The following PIDD1 variants were observed in gnomAD, a reference collection of about 807,000 sequenced individuals.
The protein encoded by PIDD1 is p53-induced death domain-containing protein 1.
PIDD1 carries 72 observed loss-of-function variants against 80.0 expected under a neutral mutation model. The observed-to-expected ratio is 0.90, with a 90% CI of 0.74 to 1.09. PIDD1 has a LOEUF of 1.09. PIDD1 is among the 50% of genes least tolerant of loss of function. The pLI, the probability that PIDD1 is intolerant of heterozygous loss-of-function variation, is 0.00. For missense variants in PIDD1, 1,329 were observed against 1,228.3 expected (o/e 1.08, Z -1.23); for synonymous variants, 655 against 543.5 (o/e 1.21, Z -2.85).
At chr11:801,165 C>T in intron 9 of PIDD1, 45 bp from the exon 10 acceptor site, 2 of 1,544,786 alleles carry the variant, frequency 1.3e-6, no homozygotes, top group Non-Finnish European at 1.7e-6. Context: ...TGGCCGGAGA[C>T]CCCCTCCACC....
upstream of PIDD1, among the ~76,000 whole-genome samples, chr11:807,238 TC>T (rs1389608064): frequency 6.8e-6 from 1 of 147,730 alleles, no homozygotes; most frequent in East Asian, 2.0e-4. Flanking sequence ...CATCTGTAAT[TC>T]CAGCACTTTG....
chr11:805,388 C>G (rs1185546226), upstream of PIDD1: 4 of 340,340 alleles, frequency 1.2e-5, no homozygotes, highest in East Asian at 1.7e-4. Flanking sequence ...GTCGCAGCCC[C>G]GGAGACGCGG....
rs149917031 is a variant in PIDD1, at chr11:804,356, C to T, written c.33G>A (p.Glu11=). MAATVEGPEL[E]AAAAAGDASE... ...AAGCATCTCCTGCGGCAGCAGCTGC[C>T]TCCAGCTCTGGCCCCTCCACCGTTG... is the stretch of plus-strand genomic sequence containing the variant. The change falls in exon 2 of 16, where the codon GAG becomes GAA. Residue 11 remains glutamate, a synonymous_variant. Coordinates refer to ENST00000347755, the MANE Select transcript of PIDD1 (RefSeq NM_145886.4). 9.6e-4 allele frequency: 1,547 copies of T among 1,607,112 alleles called. 4 individuals carry two copies. The highest frequency in any genetic ancestry group is 1.1e-3 in the Non-Finnish European group (1,303 of 1,176,314).
chr11:805,784 G>C, upstream of PIDD1: 2 of 645,288 alleles, frequency 3.1e-6, no homozygotes, highest in Non-Finnish European at 3.8e-6. Flanking sequence ...CTTCAATCGC[G>C]CAGGGGAGAA....
Position 803,581 on chromosome 11 carries a change from T to C in PIDD1, c.302A>G (p.Gln101Arg). Residue 101 changes from glutamine to arginine, a missense_variant, in exon 3 of 16, where the codon CAA becomes CGA. Physicochemically the swap from Gln to Arg is conservative, Grantham distance 43 (BLOSUM62 1). Transcript: ENST00000347755. ...ACAGGCACCCAGTGTGTCCCGGCGT[T>C]GCCCTCCTGGGAAGGGGGGAGGCGG... ...CLRSLVLKGG[Q>R]RRDTLGACLR... 6.2e-7 allele frequency: 1 copy of C among 1,606,616 alleles called. No homozygotes were observed. Among genetic ancestry groups the C allele is most frequent in the Non-Finnish European group, 8.5e-7 (1 of 1,176,186 alleles).
At chr11:803,935 T>C in intron 2 of PIDD1, 159 bp downstream of exon 2, 5 of 822,102 alleles carry the variant, frequency 6.1e-6, no homozygotes, top group Non-Finnish European at 9.4e-6. Flanking sequence ...AGGATGGCGA[T>C]GGGGCTGGAC....
In PIDD1 at chr11:799,865, C is replaced by T; in HGVS notation, c.2424G>A (p.Leu808=). Residue 808 remains leucine, a synonymous_variant, in exon 15 of 16, where the codon CTG becomes CTA. Coordinates refer to ENST00000347755, the MANE Select transcript of PIDD1 (RefSeq NM_145886.4). ...RLGLDWPAVA[L]HLGVSYREVQ... The stretch of plus-strand genomic sequence containing the variant: ...CCTCCCGGTAGGACACCCCCAGGTG[C>T]AGGGCCACGGCTGGCCAGTCCAGAC... The T allele has an allele frequency of 1.9e-6, 3 of 1,610,256 alleles. No individual in the cohort carries two copies. The highest frequency in any genetic ancestry group is 1.7e-5 in the Admixed American group (1 of 59,838).
upstream of PIDD1, among the ~76,000 whole-genome samples, chr11:809,101 C>T (rs771893452): frequency 2.6e-5 from 4 of 152,196 alleles, no homozygotes; most frequent in African/African-American, 4.8e-5. Context: ...CCTGCGTCCT[C>T]GCACAAGAAC....
Position 799,298 on chromosome 11 carries a change from C to T in PIDD1, c.*9G>A, listed in dbSNP as rs563997200. On this transcript the variant is annotated 3_prime_UTR_variant, in exon 16 of 16. Coordinates refer to ENST00000347755, the MANE Select transcript of PIDD1 (RefSeq NM_145886.4). ...GGAATATCTGGGCCAGCCTAAAAGT[C>T]TGTGGGGCCTAGGCCTGGGCAGGCT... 2.5e-6 allele frequency: 4 copies of T among 1,577,444 alleles called. No homozygotes were observed. In the Admixed American group the frequency reaches 5.2e-5, roughly 21 times the overall value.
At chr11:804,002 G>C (rs1865588989) in intron 2 of PIDD1, 92 bp downstream of exon 2, 1 of 1,400,288 alleles carries the variant, frequency 7.1e-7, no homozygotes, top group South Asian at 1.4e-5. Context: ...GCCTGGAGCT[G>C]GGGCTGGGAC....
Position 800,922 on chromosome 11 carries a change from C to T in PIDD1, c.1767-10G>A. ...GTACCAGAGCCAGTACCTGGGAGAG[C>T]TGGGGGTGAGGAGGGCTGTACAGAC... On this transcript the variant is annotated splice_polypyrimidine_tract_variant and intron_variant, in intron 10 of 15. Coordinates refer to ENST00000347755, the MANE Select transcript of PIDD1 (RefSeq NM_145886.4). 1 of 1,593,912 alleles carries T rather than the reference C, an allele frequency of 6.3e-7. No homozygotes were observed. The highest frequency in any genetic ancestry group is 8.5e-7 in the Non-Finnish European group (1 of 1,171,108).
At chr11:800,478 G>A in intron 12 of PIDD1, 27 bp from the exon 13 acceptor site, 2 of 1,611,494 alleles carry the variant, frequency 1.2e-6, no homozygotes, top group Non-Finnish European at 1.7e-6. Context: ...GGCTGAGCAA[G>A]GAGGGCTCGG....
Position 801,197 on chromosome 11 carries a change from T to G in PIDD1, c.1630+21A>C, listed in dbSNP as rs1471851108. ...CACCCTATGGCCACAGGTCCAGGTA[T>G]GCCCCATGGCTGCCTCTCACCTGTG... On this transcript the variant is annotated intron_variant, in intron 9 of 15. Transcript: ENST00000347755. 4 of 1,546,002 alleles carry G rather than the reference T, an allele frequency of 2.6e-6. No individual in the cohort carries two copies. In the South Asian group the frequency reaches 4.9e-5, roughly 19 times the overall value.
At position 801,092 on chromosome 11, in the gene PIDD1, G is replaced by C; in HGVS notation, c.1659C>G (p.His553Gln). The C allele has an allele frequency of 1.3e-6, 2 of 1,584,050 alleles. No individual in the cohort carries two copies. Among genetic ancestry groups the C allele is most frequent in the Middle Eastern group, 1.7e-4 (1 of 5,936 alleles). Reference sequence around the variant, plus strand: ...CTGCAGGAGGGGCCCAGTACAACAGGTGCAGGCGGGAGCGGTCCAGACTGA... The same window carrying C: ...CTGCAGGAGGGGCCCAGTACAACAGCTGCAGGCGGGAGCGGTCCAGACTGA... Reference protein sequence around the residue: ...TGLSLDRSRLHLLYWAPPAAT... With the variant: ...TGLSLDRSRLQLLYWAPPAAT... Residue 553 changes from histidine to glutamine, a missense_variant, in exon 10 of 16, where the codon CAC becomes CAG. Physicochemically the swap from His to Gln is conservative, Grantham distance 24. Transcript: ENST00000347755.
chr11:808,354 G>A (rs1865887509), upstream of PIDD1, among the ~76,000 whole-genome samples: 1 of 152,060 alleles, frequency 6.6e-6, no homozygotes, highest in Non-Finnish European at 1.5e-5. Context: ...TTGAACCCAG[G>A]AGGCAGAGGT....
intron 9 of PIDD1, 31 bp from the exon 10 acceptor site, chr11:801,151 C>A: frequency 6.5e-7 from 1 of 1,547,308 alleles, no homozygotes. Flanking sequence ...GAGCTGAGGC[C>A]TCCTGGCCGG....
In PIDD1 at chr11:802,182, G is replaced by T. The variant is rs1231754433; in HGVS notation, c.1176+13C>A. 6.3e-7 allele frequency: 1 copy of T among 1,591,956 alleles called. No homozygotes were observed. The highest frequency in any genetic ancestry group is 1.7e-4 in the Middle Eastern group (1 of 6,030). On this transcript the variant is annotated intron_variant, in intron 6 of 15. Coordinates refer to ENST00000347755, the MANE Select transcript of PIDD1 (RefSeq NM_145886.4). ...CTGGCCCACACACTGCCCCCGCCAC[G>T]CCCTGTCCATGCCTGCTGGAAGGCC...
chr11:805,273 A>ACCCCGCCCCTTGGG (rs1273697339), upstream of PIDD1: 6 of 959,070 alleles, frequency 6.3e-6, no homozygotes, highest in Middle Eastern at 5.3e-4. Context: ...GGGACTGCAG[A>ACCCCGCCCCTTGGG]CCCCGCCCCT....
In PIDD1 at chr11:802,129, C is replaced by T. The variant is rs763874224; in HGVS notation, c.1177-39G>A. The T allele has an allele frequency of 1.6e-5, 25 of 1,561,094 alleles. No individual in the cohort carries two copies. The East Asian group carries it at 2.6e-4, about 16-fold the overall frequency. On this transcript the variant is annotated intron_variant, in intron 6 of 15. Coordinates refer to ENST00000347755, the MANE Select transcript of PIDD1 (RefSeq NM_145886.4). ...ATGGTGTGAGCACTGGAGCCATGCC[C>T]GGGCCCGCACACTGCCCCTGCCATG...
Sources: allele counts gnomAD v4.1 joint callset (sites outside exome capture counted in the v4.1 genomes callset), GRCh38; gene constraint gnomAD v4.1.1; transcripts MANE v1.5; gene names NCBI Gene and HGNC (gene_info 2026-07-23, HGNC 2026-07-21).